Variants in MAGOH observed in about 807,000 individuals in gnomAD.
The protein encoded by MAGOH is protein mago nashi homolog.
Under a neutral mutation model 20.9 loss-of-function variants are expected in MAGOH, and 3 were observed. That is an observed-to-expected ratio of 0.14 (90% CI 0.07 to 0.37). The LOEUF (loss-of-function observed/expected upper bound fraction) is 0.37. MAGOH is among the 10% of genes least tolerant of loss of function. The pLI is 1.00. For missense variants in MAGOH, 66 were observed against 178.1 expected, an observed-to-expected ratio of 0.37 and a Z score of 3.58; for synonymous variants, 51 against 61.0, an observed-to-expected ratio of 0.84 and a Z score of 0.76.
At chr1:53,236,316 G>A (rs766584345) in intron 1 of MAGOH, among the ~76,000 whole-genome samples, 7 of 152,248 alleles carry the variant, frequency 4.6e-5, no homozygotes, top group Non-Finnish European at 7.3e-5. Context: ...ACAAGGTGAT[G>A]TGGTAACAGA....
intron 3 of MAGOH, among the ~76,000 whole-genome samples, chr1:53,229,642 G>T (rs1219559871): frequency 6.6e-6 from 1 of 152,118 alleles, no homozygotes; most frequent in Non-Finnish European, 1.5e-5. Context: ...AATTGGACTG[G>T]GTGTGGTGAC....
chr1:53,236,345 T>G (rs1645610176), intron 1 of MAGOH, among the ~76,000 whole-genome samples: 2 of 152,226 alleles, frequency 1.3e-5, no homozygotes, highest in Admixed American at 6.5e-5. Context: ...ATTAGGTTAC[T>G]CTAATACTTT....
At chr1:53,236,469 TTC>T (rs1004974522) in intron 1 of MAGOH, among the ~76,000 whole-genome samples, 3 of 152,190 alleles carry the variant, frequency 2.0e-5, no homozygotes, top group African/African-American at 7.2e-5. Context: ...GCCAATATTC[TTC>T]TCTCACACAG....
intron 3 of MAGOH, among the ~76,000 whole-genome samples, chr1:53,231,928 A>G (rs1322402883): frequency 6.6e-6 from 1 of 152,210 alleles, no homozygotes; most frequent in Non-Finnish European, 1.5e-5. Context: ...GTCCTTCTAT[A>G]AAGCCCTTTC....
intron 2 of MAGOH, among the ~76,000 whole-genome samples, chr1:53,234,999 C>G (rs1645604694): frequency 6.6e-6 from 1 of 152,088 alleles, no homozygotes; most frequent in Non-Finnish European, 1.5e-5. Context: ...ATACCTGGGC[C>G]TTTATTTTCT....
chr1:53,230,723 G>A (rs567361445), intron 3 of MAGOH, among the ~76,000 whole-genome samples: 43 of 152,210 alleles, frequency 2.8e-4, no homozygotes, highest in African/African-American at 1.0e-3. Flanking sequence ...GCAGGCATGA[G>A]TCACTGCACC....
rs536701119 is a variant in MAGOH at position 53,229,401 on chromosome 1, C to T, written c.259-447G>A. 1.1e-4 allele frequency among the ~76,000 whole-genome samples: 16 copies of T among 152,052 alleles called. No homozygotes were observed. The South Asian group carries it at 1.5e-3, about 14-fold the overall frequency. ...ATTTTTAGTAGAGACGGGGTTTCAC[C>T]GTGTTAGCCAGGATGGATTTTTTTG... On this transcript the variant is annotated intron_variant, in intron 3 of 4. Coordinates refer to ENST00000371470, the MANE Select transcript of MAGOH (RefSeq NM_002370.4).
At chr1:53,228,329 G>A (rs1028699396) in intron 4 of MAGOH, among the ~76,000 whole-genome samples, 1 of 152,130 alleles carries the variant, frequency 6.6e-6, no homozygotes, top group African/African-American at 2.4e-5. Context: ...CTACTCAGGA[G>A]GCTGAGGCAG....
At chr1:53,232,296 T>C (rs889519166) in intron 3 of MAGOH, among the ~76,000 whole-genome samples, 1 of 152,198 alleles carries the variant, frequency 6.6e-6, no homozygotes, top group African/African-American at 2.4e-5. Context: ...ATTTAACAAA[T>C]ACATTATTAT....
In MAGOH at chr1:53,236,084, C is replaced by T. The variant is rs892273302; in HGVS notation, c.89-449G>A. On this transcript the variant is annotated intron_variant, in intron 1 of 4. Coordinates refer to ENST00000371470, the MANE Select transcript of MAGOH (RefSeq NM_002370.4). ...ATACTCTATTTCTGTGATGGAGAAG[C>T]TGCTGCTTTTATCACTGAGCACATT... is the stretch of plus-strand genomic sequence containing the variant. Among the ~76,000 whole-genome samples, 64 of 152,226 alleles carry T rather than the reference C, an allele frequency of 4.2e-4. 1 individual carries two copies. The highest frequency in any genetic ancestry group is 1.5e-3 in the African/African-American group (62 of 41,464).
chr1:53,230,822 G>A (rs985314849), intron 3 of MAGOH, among the ~76,000 whole-genome samples: 1 of 152,050 alleles, frequency 6.6e-6, no homozygotes, highest in African/African-American at 2.4e-5. Context: ...CATTGTTTTC[G>A]AGATTTATCA....
At chr1:53,227,220 A>G in intron 4 of MAGOH, 76 bp from the exon 5 acceptor site, 1 of 691,746 alleles carries the variant, frequency 1.4e-6, no homozygotes. Flanking sequence ...AAAAGACTAT[A>G]TATTAAAACG....
chr1:53,228,409 G>A (rs910302014), intron 4 of MAGOH, among the ~76,000 whole-genome samples: 1 of 152,098 alleles, frequency 6.6e-6, no homozygotes, highest in African/African-American at 2.4e-5. Context: ...TCCAGTCCGG[G>A]TGACAGTGGG....
chr1:53,237,323 G>A (rs1309548475), intron 1 of MAGOH, among the ~76,000 whole-genome samples: 1 of 151,172 alleles, frequency 6.6e-6, no homozygotes, highest in Non-Finnish European at 1.5e-5. Flanking sequence ...TGCCCATTCC[G>A]CACCCAATAA....
At chr1:53,236,582 G>A (rs1463669662) in intron 1 of MAGOH, among the ~76,000 whole-genome samples, 1 of 151,932 alleles carries the variant, frequency 6.6e-6, no homozygotes, top group Non-Finnish European at 1.5e-5. Flanking sequence ...ACTCTTCTTC[G>A]TCTCCTAACC....
chr1:53,233,308 C>A, intron 3 of MAGOH: 7 of 362,896 alleles, frequency 1.9e-5, no homozygotes, highest in East Asian at 4.7e-5. Context: ...TGAATATATA[C>A]ATTAATGTAT....
intron 4 of MAGOH, 67 bp downstream of exon 4, chr1:53,228,805 G>C (rs2100301725): frequency 8.3e-7 from 1 of 1,197,868 alleles, no homozygotes; most frequent in Non-Finnish European, 1.2e-6. Context: ...GTCCCAATTT[G>C]GTTAAGGTTT....
intron 3 of MAGOH, 139 bp from the exon 4 acceptor site, chr1:53,229,093 A>C: frequency 1.6e-6 from 1 of 638,618 alleles, no homozygotes; most frequent in Non-Finnish European, 2.8e-6. Flanking sequence ...CTGAGCACTA[A>C]ACTGTGCTGG....
At chr1:53,238,286 T>G in intron 1 of MAGOH, 75 bp downstream of exon 1, 1 of 1,375,144 alleles carries the variant, frequency 7.3e-7, no homozygotes, top group Non-Finnish European at 1.0e-6. Context: ...CCCACAGATT[T>G]CCGACCCTCG....
Sources: allele counts gnomAD v4.1 joint callset (sites outside exome capture counted in the v4.1 genomes callset), GRCh38; gene constraint gnomAD v4.1.1; transcripts MANE v1.5; gene names NCBI Gene and HGNC (gene_info 2026-07-23, HGNC 2026-07-21).